EXOC4: variants seen among roughly 807,000 people sequenced by gnomAD.
EXOC4 encodes exocyst complex component 4, also known as SEC8-like 1.
Under a neutral mutation model 107.2 loss-of-function variants are expected in EXOC4, and 71 were observed. The ratio of observed to expected loss-of-function variants is 0.66; its 90% CI spans 0.55 to 0.81. The LOEUF is 0.81. Among genes scored for constraint, EXOC4 ranks in the 30% least tolerant of loss-of-function variants. The probability of loss-of-function intolerance (pLI) is 0.00; values close to 1 mark genes in which losing one functional copy is unlikely to be tolerated. For missense variants in EXOC4, 1,108 were observed against 1,189.6 expected (o/e 0.93, Z 1.01); for synonymous variants, 456 against 441.2 (o/e 1.03, Z -0.42).
At chr7:133,379,564 C>G (rs909097825) in intron 7 of EXOC4, among the ~76,000 whole-genome samples, 3 of 151,960 alleles carry the variant, frequency 2.0e-5, no homozygotes, top group Non-Finnish European at 2.9e-5. Flanking sequence ...ACATTTAGAA[C>G]TTGAATACAT....
At chr7:133,574,977 C>T (rs368659776) in intron 9 of EXOC4, among the ~76,000 whole-genome samples, 8 of 152,082 alleles carry the variant, frequency 5.3e-5, no homozygotes, top group Non-Finnish European at 8.8e-5. Context: ...GTTTCATATG[C>T]GTTTATATTA....
intron 5 of EXOC4, among the ~76,000 whole-genome samples, chr7:133,349,585 CATTTTAG>C (rs1489669881): frequency 6.6e-6 from 1 of 152,122 alleles, no homozygotes; most frequent in Non-Finnish European, 1.5e-5. Context: ...GTTGCTTCCA[CATTTTAG>C]TGATTGTGAA....
At position 133,386,835 on chromosome 7, in the gene EXOC4, T is replaced by TG. The variant is rs527416758; in HGVS notation, c.1182+11833_1182+11834insG. Among the ~76,000 whole-genome samples the TG allele has an allele frequency of 1.1e-3, 161 of 152,094 alleles. No homozygotes were observed. In the South Asian group the frequency reaches 0.019, roughly 18 times the overall value. ...CGTAATGAAAGGAGAGTTTTTTTTT[T>TG]TGTGAATCTTTGCTGTCCTGGGCAA... On this transcript the variant is annotated intron_variant, in intron 7 of 17. Transcript: ENST00000253861.
chr7:134,017,688 G>A (rs1332773613), intron 17 of EXOC4, among the ~76,000 whole-genome samples: 6 of 152,126 alleles, frequency 3.9e-5, no homozygotes, highest in Non-Finnish European at 8.8e-5. Flanking sequence ...GGGTGAGCAT[G>A]CCTTACTGGT....
chr7:133,709,098 T>C (rs1037760227), intron 10 of EXOC4, among the ~76,000 whole-genome samples: 6 of 152,232 alleles, frequency 3.9e-5, no homozygotes, highest in Admixed American at 3.9e-4. Flanking sequence ...TTCTCGTCAG[T>C]AACAGCAGGA....
At chr7:133,987,091 C>G (rs1264387612) in intron 14 of EXOC4, among the ~76,000 whole-genome samples, 3 of 151,874 alleles carry the variant, frequency 2.0e-5, no homozygotes, top group Admixed American at 6.6e-5. Context: ...GTCTTAAGAC[C>G]TGGTAACATA....
Position 133,941,821 on chromosome 7 carries a change from T to TTCTCTCTCTCTCTCTCTCTCTCTCTCTC in EXOC4, c.2206+3755_2206+3782dup, listed in dbSNP as rs67720946. Among the ~76,000 whole-genome samples the TTCTCTCTCTCTCTCTCTCTCTCTCTCTC allele has an allele frequency of 3.1e-3, 406 of 129,562 alleles. 31 individuals are homozygous for TTCTCTCTCTCTCTCTCTCTCTCTCTCTC. Among genetic ancestry groups the TTCTCTCTCTCTCTCTCTCTCTCTCTCTC allele is most frequent in the Non-Finnish European group, 4.9e-3 (288 of 59,354 alleles). The allele number at this position is 129,562 out of a possible 152,430, so 85.0% of individuals were successfully genotyped here. ...GTCAGGTCCCAGGCATGCTTACAGA[T>TTCTCTCTCTCTCTCTCTCTCTCTCTCTC]TCTCTCTCTCTCTCTCTCTCTCTCT... On this transcript the variant is annotated intron_variant, in intron 14 of 17. Transcript: ENST00000253861.
intron 7 of EXOC4, among the ~76,000 whole-genome samples, chr7:133,399,048 A>G (rs946133492): frequency 6.6e-6 from 1 of 152,128 alleles, no homozygotes; most frequent in South Asian, 2.1e-4. Flanking sequence ...CATTCCTATA[A>G]ATTATGTCAG....
chr7:133,694,444 T>C (rs1183763309), intron 10 of EXOC4, among the ~76,000 whole-genome samples: 2 of 152,094 alleles, frequency 1.3e-5, no homozygotes, highest in Non-Finnish European at 2.9e-5. Flanking sequence ...ATTTCAAGAA[T>C]TACAATATTA....
chr7:133,641,722 G>A (rs979460900), intron 10 of EXOC4, among the ~76,000 whole-genome samples: 1 of 152,086 alleles, frequency 6.6e-6, no homozygotes. Context: ...TTTGCTTTTT[G>A]CATCTGTGAA....
intron 7 of EXOC4, among the ~76,000 whole-genome samples, chr7:133,418,793 G>A (rs1200356865): frequency 6.6e-6 from 1 of 152,116 alleles, no homozygotes; most frequent in Non-Finnish European, 1.5e-5. Context: ...ATCCTCTGAC[G>A]CTGGGAGACC....
intron 13 of EXOC4, 50 bp from the exon 14 acceptor site, chr7:133,937,841 T>C (rs1255862580): frequency 1.9e-6 from 3 of 1,592,762 alleles, no homozygotes; most frequent in South Asian, 1.1e-5. Context: ...TGCCCGGTCC[T>C]ACCTTTTCCA....
At chr7:133,256,794 A>G (rs1447971672) in intron 1 of EXOC4, among the ~76,000 whole-genome samples, 1 of 152,186 alleles carries the variant, frequency 6.6e-6, no homozygotes, top group Non-Finnish European at 1.5e-5. Flanking sequence ...CTACAGGTGG[A>G]TAAGGGTTTG....
At chr7:133,982,844 A>G (rs1261403222) in intron 14 of EXOC4, among the ~76,000 whole-genome samples, 1 of 152,192 alleles carries the variant, frequency 6.6e-6, no homozygotes, top group African/African-American at 2.4e-5. Context: ...CCTGTTCACT[A>G]TACTTGGTAC....
intron 11 of EXOC4, among the ~76,000 whole-genome samples, chr7:133,876,395 G>A (rs1349998113): frequency 6.6e-6 from 1 of 152,028 alleles, no homozygotes; most frequent in Non-Finnish European, 1.5e-5. Context: ...TTCATTGGAG[G>A]ATGTGAGTAG....
chr7:133,324,136 AT>A (rs1239988799), intron 5 of EXOC4, among the ~76,000 whole-genome samples: 1 of 151,810 alleles, frequency 6.6e-6, no homozygotes, highest in Non-Finnish European at 1.5e-5. Flanking sequence ...TGGTCTATCA[AT>A]TTTGTTGGTC....
At chr7:133,702,935 AC>A (rs1384289935) in intron 10 of EXOC4, among the ~76,000 whole-genome samples, 2 of 152,150 alleles carry the variant, frequency 1.3e-5, no homozygotes, top group East Asian at 3.9e-4. Context: ...TATCACAATC[AC>A]CTTGATTCAG....
At chr7:133,693,599 C>T (rs1794468270) in intron 10 of EXOC4, among the ~76,000 whole-genome samples, 1 of 152,128 alleles carries the variant, frequency 6.6e-6, no homozygotes, top group Non-Finnish European at 1.5e-5. Context: ...AGCCACGATT[C>T]AAACAAACCC....
At chr7:133,855,812 C>T (rs755780988) in intron 11 of EXOC4, among the ~76,000 whole-genome samples, 13 of 152,156 alleles carry the variant, frequency 8.5e-5, no homozygotes, top group Non-Finnish European at 1.5e-4. Flanking sequence ...TATCTGTAAG[C>T]GTTATATCTA....
Sources: allele counts gnomAD v4.1 joint callset (sites outside exome capture counted in the v4.1 genomes callset), GRCh38; gene constraint gnomAD v4.1.1; transcripts MANE v1.5; gene names NCBI Gene and HGNC (gene_info 2026-07-23, HGNC 2026-07-21).